GPC5: variants seen among roughly 807,000 people sequenced by gnomAD.
GPC5 encodes glypican-5.
A neutral mutation model predicts 53.9 loss-of-function variants in GPC5; 47 were observed. That is an observed-to-expected ratio of 0.87 (90% confidence interval 0.69 to 1.11). The LOEUF (loss-of-function observed/expected upper bound fraction) is 1.11. GPC5 is among the 50% of genes most tolerant of loss of function. GPC5 has a pLI of 0.00. For synonymous variants in GPC5, 286 were observed against 263.3 expected, an observed-to-expected ratio of 1.09 and a Z score of -0.84; for missense variants, 748 against 713.1, an observed-to-expected ratio of 1.05 and a Z score of -0.56.
chr13:91,774,919 T>G (rs1226365968), intron 5 of GPC5, among the ~76,000 whole-genome samples: 1 of 152,140 alleles, frequency 6.6e-6, no homozygotes, highest in Non-Finnish European at 1.5e-5. Flanking sequence ...CCCCAATAAA[T>G]CTCTTGACCA....
intron 2 of GPC5, among the ~76,000 whole-genome samples, chr13:91,503,190 A>T (rs17320630): frequency 6.6e-6 from 1 of 152,136 alleles, no homozygotes. Flanking sequence ...AAAGTAATAT[A>T]CAAGACAGTG....
intron 1 of GPC5, among the ~76,000 whole-genome samples, chr13:91,415,967 T>C (rs1480113220): frequency 6.6e-6 from 1 of 152,182 alleles, no homozygotes; most frequent in East Asian, 1.9e-4. Flanking sequence ...GGAGGGAAAA[T>C]TGCATTTTAT....
intron 7 of GPC5, among the ~76,000 whole-genome samples, chr13:92,673,313 G>T (rs1459093841): frequency 2.1e-5 from 3 of 146,206 alleles, no homozygotes; most frequent in Non-Finnish European, 4.5e-5. Flanking sequence ...ATGGAATCTC[G>T]CTCTGTCGCC....
intron 2 of GPC5, among the ~76,000 whole-genome samples, chr13:91,502,314 C>T (rs562587625): frequency 1.2e-3 from 184 of 152,124 alleles, no homozygotes; most frequent in African/African-American, 4.0e-3. Context: ...ACATGAAGTC[C>T]TTGCTCATGC....
intron 7 of GPC5, among the ~76,000 whole-genome samples, chr13:92,237,785 AC>A (rs1423838918): frequency 6.6e-6 from 1 of 151,950 alleles, no homozygotes; most frequent in Non-Finnish European, 1.5e-5. Flanking sequence ...CATTTTCATC[AC>A]CCCATAAAGA....
At chr13:92,348,699 A>G (rs1202847719) in intron 7 of GPC5, among the ~76,000 whole-genome samples, 5 of 152,176 alleles carry the variant, frequency 3.3e-5, no homozygotes, top group Non-Finnish European at 7.3e-5. Context: ...AGTTTTCTCA[A>G]GAAGTCTGAA....
chr13:92,553,947 C>T (rs1882407280), intron 7 of GPC5, among the ~76,000 whole-genome samples: 3 of 151,850 alleles, frequency 2.0e-5, no homozygotes, highest in African/African-American at 7.3e-5. Flanking sequence ...TGACTGATTC[C>T]TTCTCAGAGG....
chr13:92,031,883 TTTATATA>T (rs2040853990), intron 6 of GPC5, among the ~76,000 whole-genome samples: 1 of 96,714 alleles, frequency 1.0e-5, no homozygotes, highest in Non-Finnish European at 2.0e-5. Flanking sequence ...TAACATATAT[TTTATATA>T]TTATATTTTA....
chr13:92,270,480 T>C (rs998346543), intron 7 of GPC5, among the ~76,000 whole-genome samples: 1 of 152,182 alleles, frequency 6.6e-6, no homozygotes, highest in Non-Finnish European at 1.5e-5. Context: ...TGATTGTAAG[T>C]TTGTGGAGGT....
chr13:91,668,546 C>T (rs1009940476), intron 2 of GPC5, among the ~76,000 whole-genome samples: 1 of 152,070 alleles, frequency 6.6e-6, no homozygotes, highest in Non-Finnish European at 1.5e-5. Flanking sequence ...TTGTTATTTA[C>T]ACTTTAGAAG....
intron 7 of GPC5, among the ~76,000 whole-genome samples, chr13:92,427,424 A>G (rs1029069220): frequency 6.6e-6 from 1 of 151,214 alleles, no homozygotes; most frequent in East Asian, 1.9e-4. Flanking sequence ...CAAAATATTT[A>G]TTGGAACTTA....
chr13:92,003,632 T>A (rs1313273686), intron 6 of GPC5, among the ~76,000 whole-genome samples: 1 of 152,208 alleles, frequency 6.6e-6, no homozygotes, highest in African/African-American at 2.4e-5. Context: ...TTTTAATCGG[T>A]TCAACTAGTT....
At chr13:92,335,199 G>T (rs775381591) in intron 7 of GPC5, among the ~76,000 whole-genome samples, 1 of 152,126 alleles carries the variant, frequency 6.6e-6, no homozygotes, top group Non-Finnish European at 1.5e-5. Context: ...CTGAAATCTA[G>T]GTGGAAGTTC....
chr13:91,762,479 T>C (rs1200575097), intron 5 of GPC5, among the ~76,000 whole-genome samples: 1 of 152,102 alleles, frequency 6.6e-6, no homozygotes, highest in Non-Finnish European at 1.5e-5. Flanking sequence ...CTCAGGATTG[T>C]CTGAATTTCT....
chr13:92,025,065 T>C (rs2040789695), intron 6 of GPC5, among the ~76,000 whole-genome samples: 1 of 152,172 alleles, frequency 6.6e-6, no homozygotes, highest in African/African-American at 2.4e-5. Flanking sequence ...CTACCCTTTC[T>C]TCTGTTACTG....
intron 2 of GPC5, among the ~76,000 whole-genome samples, chr13:91,496,659 G>A (rs1262391119): frequency 6.6e-6 from 1 of 152,252 alleles, no homozygotes; most frequent in South Asian, 2.1e-4. Context: ...GGGCTTGGTG[G>A]GGTGGTGAGG....
intron 7 of GPC5, among the ~76,000 whole-genome samples, chr13:92,611,923 G>A (rs1182954888): frequency 6.6e-6 from 1 of 152,008 alleles, no homozygotes; most frequent in South Asian, 2.1e-4. Flanking sequence ...AAGTTTCAAA[G>A]AATCAACCAT....
At chr13:92,519,122 A>G (rs1880920583) in intron 7 of GPC5, among the ~76,000 whole-genome samples, 1 of 152,006 alleles carries the variant, frequency 6.6e-6, no homozygotes, top group Non-Finnish European at 1.5e-5. Context: ...ACCCAGATTC[A>G]TAAAGCAAGT....
intron 4 of GPC5, among the ~76,000 whole-genome samples, chr13:91,752,229 G>GGTATGTAT (rs572925376): frequency 3.3e-5 from 5 of 151,612 alleles, no homozygotes; most frequent in Admixed American, 6.6e-5. Flanking sequence ...TTTATGTGTG[G>GGTATGTAT]GTATGTATGT....
Sources: allele counts gnomAD v4.1 joint callset (sites outside exome capture counted in the v4.1 genomes callset), GRCh38; gene constraint gnomAD v4.1.1; transcripts MANE v1.5; gene names NCBI Gene and HGNC (gene_info 2026-07-23, HGNC 2026-07-21).